AP1G1: variants seen among roughly 807,000 people sequenced by gnomAD.
AP1G1 encodes adaptor related protein complex 1 subunit gamma 1.
In AP1G1, 7 loss-of-function variants were observed where a neutral mutation model predicts 108.3. The observed-to-expected ratio is 0.06, with a 90% CI of 0.04 to 0.12. The LOEUF (loss-of-function observed/expected upper bound fraction) is 0.12. Ranked by LOEUF, AP1G1 falls within the 10% of genes least tolerant of loss-of-function variation. AP1G1 has a pLI of 1.00. For synonymous variants in AP1G1, 379 were observed against 353.5 expected, an observed-to-expected ratio of 1.07 and a Z score of -0.81; for missense variants, 756 against 1,010.7, an observed-to-expected ratio of 0.75 and a Z score of 3.42.
In AP1G1 at chr16:71,758,451, C is replaced by G. The variant is rs777174365; in HGVS notation, c.1088+357G>C. The G allele has an allele frequency of 5.7e-6, 3 of 527,020 alleles. No individual in the cohort carries two copies. The Admixed American group carries it at 5.8e-5, about 10-fold the overall frequency. The allele number at this position is 527,020 out of a possible 1,614,324, so 32.6% of individuals were successfully genotyped here. A position where few individuals can be genotyped will look rare whatever the true frequency, so the allele number is the denominator to read the frequency against. On this transcript the variant is annotated intron_variant, in intron 11 of 22. Coordinates refer to ENST00000299980, the MANE Select transcript of AP1G1 (RefSeq NM_001128.6). The stretch of plus-strand genomic sequence containing the variant: ...TCAGCATTGTGACAAGACACTTAGC[C>G]GATGGATCACTCCGTACTTTCATCC...
chr16:71,773,904 A>C, intron 3 of AP1G1, among the ~76,000 whole-genome samples: 1 of 144,072 alleles, frequency 6.9e-6, no homozygotes, highest in East Asian at 2.6e-4. Flanking sequence ...CTGGGACTAC[A>C]GGCGCACGCC....
intron 2 of AP1G1, chr16:71,777,907 C>T (rs1000768624): frequency 4.2e-5 from 8 of 190,476 alleles, no homozygotes; most frequent in East Asian, 1.6e-4. Flanking sequence ...CAGTGGAGGG[C>T]GGCTGAGACC....
In AP1G1 at chr16:71,774,551, G is replaced by A. The variant is rs2031702222; in HGVS notation, c.243C>T (p.Asp81=). Residue 81 remains aspartate (D), a synonymous_variant, in exon 3 of 23, where the codon GAC becomes GAT. Coordinates refer to ENST00000299980, the MANE Select transcript of AP1G1 (RefSeq NM_001128.6). ...TTGCCCCTAAATAGCCAATGCGTTT[G>A]TCTGTAAATTTTTGAGAGGCAATAA... ...LKLIASQKFT[D]KRIGYLGAML... is the part of the protein sequence containing the mutation. 1 of 1,596,902 alleles carries A rather than the reference G, an allele frequency of 6.3e-7. No homozygotes were observed. Among genetic ancestry groups the A allele is most frequent in the Admixed American group, 1.8e-5 (1 of 54,388 alleles).
intron 19 of AP1G1, among the ~76,000 whole-genome samples, chr16:71,741,139 T>C (rs1040958016): frequency 6.6e-5 from 10 of 152,194 alleles, no homozygotes; most frequent in African/African-American, 1.4e-4. Flanking sequence ...AATATTTAAA[T>C]AGATTTCAAA....
chr16:71,736,551 ATTATTTATTTATTTAT>A lies in AP1G1; in HGVS notation c.2269-1860_2269-1845del, dbSNP rs369844976. ...GCCCGCCACCACGCCCGGCTAATTT[ATTATTTATTTATTTAT>A]TTATTTATTTATTTATTTATTTATT... is the stretch of plus-strand genomic sequence containing the variant. On this transcript the variant is annotated intron_variant, in intron 21 of 22. Coordinates refer to ENST00000299980, the MANE Select transcript of AP1G1 (RefSeq NM_001128.6). 5.8e-3 allele frequency among the ~76,000 whole-genome samples: 611 copies of A among 105,906 alleles called. 7 individuals are homozygous for A. Among genetic ancestry groups the A allele is most frequent in the African/African-American group, 0.02 (512 of 26,254 alleles). 69.5% of individuals were successfully genotyped at this position (105,906 alleles called of 152,430 possible).
At chr16:71,784,954 C>A (rs2032147959) in intron 2 of AP1G1, among the ~76,000 whole-genome samples, 1 of 147,966 alleles carries the variant, frequency 6.8e-6, no homozygotes, top group Admixed American at 6.9e-5. Context: ...TTTCTATCAG[C>A]ACCATACTAG....
At position 71,729,846 on chromosome 16, in the gene AP1G1, T is replaced by A. The variant is rs752805185; in HGVS notation, c.*3212A>T. The stretch of plus-strand genomic sequence containing the variant: ...TTAAAATACATTCACTAGAAAAAAA[T>A]AGACACATTCAAACTCCTTTCCCCT... On this transcript the variant is annotated 3_prime_UTR_variant, in exon 23 of 23. Transcript: ENST00000299980. The A allele has an allele frequency of 6.5e-6, 1 of 152,672 alleles. No individual in the cohort carries two copies. Among genetic ancestry groups the A allele is most frequent in the South Asian group, 2.1e-4 (1 of 4,826 alleles). The allele number at this position is 152,672 out of a possible 1,614,324, so 9.5% of individuals were successfully genotyped here. A position where few individuals can be genotyped will look rare whatever the true frequency, so the allele number is the denominator to read the frequency against.
intron 1 of AP1G1, among the ~76,000 whole-genome samples, chr16:71,802,802 T>A (rs2032853468): frequency 1.3e-5 from 2 of 152,032 alleles, no homozygotes; most frequent in South Asian, 4.2e-4. Context: ...CCTCAAGTGA[T>A]CCTTCTGACT....
chr16:71,774,373 C>T (rs1012492528), intron 3 of AP1G1, 95 bp downstream of exon 3: 2 of 1,408,974 alleles, frequency 1.4e-6, no homozygotes, highest in African/African-American at 1.5e-5. Context: ...CACTTCACTC[C>T]AGCCTGGGCA....
At chr16:71,741,132 A>G (rs1006881705) in intron 19 of AP1G1, among the ~76,000 whole-genome samples, 1 of 152,248 alleles carries the variant, frequency 6.6e-6, no homozygotes. Flanking sequence ...TGTATTTAAT[A>G]TTTAAATAGA....
intron 19 of AP1G1, chr16:71,743,208 G>C (rs1355028019): frequency 6.6e-6 from 1 of 151,848 alleles, no homozygotes; most frequent in Non-Finnish European, 1.5e-5. Flanking sequence ...TTGACCATTT[G>C]TAAATGATTC....
At chr16:71,771,821 T>G (rs965766939) in intron 4 of AP1G1, among the ~76,000 whole-genome samples, 1 of 152,252 alleles carries the variant, frequency 6.6e-6, no homozygotes, top group African/African-American at 2.4e-5. Flanking sequence ...AACTGAAAGA[T>G]ATATACTGTA....
chr16:71,802,264 T>G (rs2032828061), intron 1 of AP1G1, among the ~76,000 whole-genome samples: 1 of 152,020 alleles, frequency 6.6e-6, no homozygotes, highest in South Asian at 2.1e-4. Flanking sequence ...AAAAGAAGCG[T>G]TTTTTACTTA....
Position 71,731,029 on chromosome 16 carries a change from AATTCT to A in AP1G1, c.*2024_*2028del, listed in dbSNP as rs1225550040. 6.6e-6 allele frequency: 1 copy of A among 152,588 alleles called. No individual in the cohort carries two copies. Among genetic ancestry groups the A allele is most frequent in the African/African-American group, 2.4e-5 (1 of 41,470 alleles). The allele number at this position is 152,588 out of a possible 1,614,324, so 9.5% of individuals were successfully genotyped here. A position where few individuals can be genotyped will look rare whatever the true frequency, so the allele number is the denominator to read the frequency against. The stretch of plus-strand genomic sequence containing the variant: ...CTACACAAAGAGGAATGTTAAGACA[AATTCT>A]ATTCAAGAAATCCACCAACATTATG... On this transcript the variant is annotated 3_prime_UTR_variant, in exon 23 of 23. Coordinates refer to ENST00000299980, the MANE Select transcript of AP1G1 (RefSeq NM_001128.6).
At chr16:71,773,597 G>A (rs988408038) in intron 3 of AP1G1, among the ~76,000 whole-genome samples, 1 of 152,138 alleles carries the variant, frequency 6.6e-6, no homozygotes, top group African/African-American at 2.4e-5. Context: ...AGCAGTGGAA[G>A]TTGAAAAACA....
intron 6 of AP1G1, among the ~76,000 whole-genome samples, chr16:71,768,054 G>A (rs910814250): frequency 1.2e-4 from 18 of 151,722 alleles, no homozygotes; most frequent in African/African-American, 4.4e-4. Context: ...TAGATCTAAA[G>A]TACAAAGTGA....
chr16:71,773,341 T>A lies in AP1G1; in HGVS notation c.348A>T (p.Gln116His), dbSNP rs572517944. 6.4e-7 allele frequency: 1 copy of A among 1,550,784 alleles called. No individual in the cohort carries two copies. Among genetic ancestry groups the A allele is most frequent in the Non-Finnish European group, 8.6e-7 (1 of 1,156,762 alleles). Residue 116 changes from glutamine to histidine, a missense_variant, in exon 4 of 23, where the codon CAA becomes CAT. Transcript: ENST00000299980. ...CIKNDLNHST[Q>H]FVQGLALCTL... ...TACAAAGTGCTAACCCCTGTACGAA[T>A]TGCGTGCTATGATTAAGATCACTGC...
intron 10 of AP1G1, among the ~76,000 whole-genome samples, chr16:71,759,692 G>A (rs1030851364): frequency 1.3e-5 from 2 of 149,896 alleles, no homozygotes; most frequent in South Asian, 2.1e-4. Context: ...CCCAGGAGGT[G>A]GAGCTTGCAG....
At chr16:71,807,936 G>T in intron 1 of AP1G1, 1 of 1,268,940 alleles carries the variant, frequency 7.9e-7, no homozygotes, top group Non-Finnish European at 1.0e-6. Flanking sequence ...ATCCACATAT[G>T]AGAAAACATT....
Sources: gnomAD v4.1 joint callset for allele counts (sites outside exome capture counted in the v4.1 genomes callset) on GRCh38, gnomAD v4.1.1 for gene constraint, MANE v1.5 for transcripts, NCBI Gene and HGNC (gene_info 2026-07-23, HGNC 2026-07-21) for gene names.